Variants in NCK1 observed in about 807,000 individuals in gnomAD.
NCK1 encodes SH2/SH3 adapter protein NCK1.
NCK1 carries 19 observed loss-of-function variants against 36.6 expected under a neutral mutation model. The observed-to-expected ratio is 0.52, with a 90% confidence interval of 0.36 to 0.76. The LOEUF (loss-of-function observed/expected upper bound fraction) is 0.76, where lower values mean the gene tolerates loss of function less well. Ranked by LOEUF, NCK1 falls within the 30% of genes least tolerant of loss-of-function variation. The pLI is 0.00. For missense variants in NCK1, 358 were observed against 445.6 expected, an observed-to-expected ratio of 0.80 and a Z score of 1.77; for synonymous variants, 165 against 156.0, an observed-to-expected ratio of 1.06 and a Z score of -0.43.
At chr3:136,908,166 A>G (rs970076623) in intron 1 of NCK1, among the ~76,000 whole-genome samples, 2 of 152,200 alleles carry the variant, frequency 1.3e-5, no homozygotes, top group African/African-American at 2.4e-5. Context: ...AAAGCATGAG[A>G]TTCTTTATAA....
intron 1 of NCK1, among the ~76,000 whole-genome samples, chr3:136,881,040 C>T (rs1200510563): frequency 6.6e-6 from 1 of 152,090 alleles, no homozygotes; most frequent in Non-Finnish European, 1.5e-5. Flanking sequence ...AGCTAGAAGC[C>T]AAGGTGTCAT....
chr3:136,947,548 T>A (rs1378382600), intron 3 of NCK1, among the ~76,000 whole-genome samples: 3 of 152,156 alleles, frequency 2.0e-5, no homozygotes, highest in Non-Finnish European at 4.4e-5. Context: ...AATATTAGGA[T>A]ATTTATTATA....
At chr3:136,895,606 C>T (rs1169753135) in intron 1 of NCK1, among the ~76,000 whole-genome samples, 1 of 151,678 alleles carries the variant, frequency 6.6e-6, no homozygotes, top group Non-Finnish European at 1.5e-5. Flanking sequence ...ACTCTGTTGC[C>T]CAGGCTGGAG....
intron 1 of NCK1, among the ~76,000 whole-genome samples, chr3:136,867,903 T>G (rs1938495958): frequency 7.0e-6 from 1 of 143,348 alleles, no homozygotes. Flanking sequence ...CAGGGGAACC[T>G]TCATATTTAC....
intron 1 of NCK1, among the ~76,000 whole-genome samples, chr3:136,889,571 C>T (rs1939177700): frequency 6.6e-6 from 1 of 152,054 alleles, no homozygotes; most frequent in African/African-American, 2.4e-5. Context: ...CTCGGGCAGC[C>T]TGCTTTTATT....
chr3:136,875,565 T>G (rs182466913), intron 1 of NCK1, among the ~76,000 whole-genome samples: 49 of 152,330 alleles, frequency 3.2e-4, no homozygotes, highest in Non-Finnish European at 6.5e-4. Flanking sequence ...AAGGCCATTA[T>G]GTAATGGTAA....
intron 1 of NCK1, among the ~76,000 whole-genome samples, chr3:136,881,377 G>A (rs946516092): frequency 2.6e-5 from 4 of 151,862 alleles, no homozygotes; most frequent in African/African-American, 9.7e-5. Flanking sequence ...ACGCCACTAC[G>A]CCCGGCTAAT....
chr3:136,932,296 C>T (rs1221100366), intron 2 of NCK1, among the ~76,000 whole-genome samples: 1 of 151,966 alleles, frequency 6.6e-6, no homozygotes, highest in African/African-American at 2.4e-5. Context: ...TTGCTCAATC[C>T]CTGCAGCAAC....
rs577339072 is a variant in NCK1, at chr3:136,944,634, G to A, written c.227-949G>A. On this transcript the variant is annotated intron_variant, in intron 2 of 3. Coordinates refer to ENST00000481752, the MANE Select transcript of NCK1 (RefSeq NM_001291999.2). ...CAAGGATGTCGAGAGTCCCAAGAGA[G>A]TCAGGAAAGATAGTATTAAGATCCT... Among the ~76,000 whole-genome samples the A allele has an allele frequency of 3.3e-5, 5 of 152,310 alleles. No homozygotes were observed. In the East Asian group the frequency reaches 7.7e-4, roughly 24 times the overall value.
intron 1 of NCK1, among the ~76,000 whole-genome samples, chr3:136,867,193 CTTTCTT>C (rs1938472457): frequency 8.7e-6 from 1 of 115,598 alleles, no homozygotes; most frequent in Non-Finnish European, 1.8e-5. Flanking sequence ...TCTTTCTTTT[CTTTCTT>C]TTCCCTTCCT....
At chr3:136,903,530 T>G (rs1479056314) in intron 1 of NCK1, among the ~76,000 whole-genome samples, 2 of 152,204 alleles carry the variant, frequency 1.3e-5, no homozygotes, top group Non-Finnish European at 2.9e-5. Flanking sequence ...GTTCAAGCGA[T>G]TCTCCTGCCT....
intron 2 of NCK1, among the ~76,000 whole-genome samples, chr3:136,934,127 T>A (rs1940462417): frequency 6.6e-6 from 1 of 152,154 alleles, no homozygotes; most frequent in Admixed American, 6.5e-5. Context: ...CTTCTAAAAA[T>A]TTTTTACAAG....
At chr3:136,911,959 T>C (rs961859710) in intron 1 of NCK1, among the ~76,000 whole-genome samples, 4 of 152,118 alleles carry the variant, frequency 2.6e-5, no homozygotes, top group African/African-American at 9.7e-5. Flanking sequence ...ATGAGAAATC[T>C]GCTTATAATA....
intron 1 of NCK1, among the ~76,000 whole-genome samples, chr3:136,883,208 C>T (rs1938990679): frequency 6.6e-6 from 1 of 152,070 alleles, no homozygotes. Context: ...GGCATGAGCC[C>T]CCATGCCCAG....
chr3:136,920,000 CAATG>C (rs1356879832), intron 1 of NCK1, among the ~76,000 whole-genome samples: 1 of 152,054 alleles, frequency 6.6e-6, no homozygotes, highest in Non-Finnish European at 1.5e-5. Context: ...TCACAGTAAA[CAATG>C]AAGGGGGAGA....
chr3:136,936,444 G>A (rs771640823), intron 2 of NCK1, among the ~76,000 whole-genome samples: 17 of 152,154 alleles, frequency 1.1e-4, no homozygotes, highest in Admixed American at 2.6e-4. Context: ...TGTGAACAGC[G>A]TTGTGATAAA....
At chr3:136,939,576 A>G (rs1346508385) in intron 2 of NCK1, among the ~76,000 whole-genome samples, 1 of 151,786 alleles carries the variant, frequency 6.6e-6, no homozygotes, top group Non-Finnish European at 1.5e-5. Flanking sequence ...TTTTTATGCA[A>G]GCTTTTAGGG....
At chr3:136,915,698 T>C (rs1282268893) in intron 1 of NCK1, among the ~76,000 whole-genome samples, 2 of 151,196 alleles carry the variant, frequency 1.3e-5, no homozygotes, top group Admixed American at 1.3e-4. Flanking sequence ...AGGAAGAGAG[T>C]GAAGGTGAAG....
rs537275699 is a variant in NCK1 at position 136,928,189 on chromosome 3, G to A, written c.188G>A (p.Arg63Gln). The change falls in exon 2 of 4, where the codon CGG (arginine) becomes CAG (glutamine). Residue 63 changes from arginine (R) to glutamine (Q), a missense_variant. Arg to Gln is a conservative substitution (Grantham distance 43, BLOSUM62 1). This residue lies in a region of NCK1 where 143 missense variants were observed against 162.4 expected (regional missense o/e 0.88). Coordinates refer to ENST00000481752, the MANE Select transcript of NCK1 (RefSeq NM_001291999.2). ...SNYVERKNSA[R>Q]KASIVKNLKD... ...TATGTGGAAAGGAAAAACAGTGCTCGGAAAGCATCTATTGTGAAAAACCTA... is the reference window on the plus strand; with the variant it reads ...TATGTGGAAAGGAAAAACAGTGCTCAGAAAGCATCTATTGTGAAAAACCTA... 6.2e-6 allele frequency: 10 copies of A among 1,614,056 alleles called. No individual in the cohort carries two copies. Among genetic ancestry groups the A allele is most frequent in the African/African-American group, 5.3e-5 (4 of 75,028 alleles).
Sources: gnomAD v4.1 joint callset for allele counts (sites outside exome capture counted in the v4.1 genomes callset) on GRCh38, gnomAD v4.1.1 for gene constraint, gnomAD v4.1.1 regional missense constraint, MANE v1.5 for transcripts, NCBI Gene and HGNC (gene_info 2026-07-23, HGNC 2026-07-21) for gene names.